PUS1: variants seen among roughly 807,000 people sequenced by gnomAD.
PUS1 encodes pseudouridine synthase 1, also known as pseudouridylate synthase 1 homolog.
A neutral mutation model predicts 38.5 loss-of-function variants in PUS1; 25 were observed. The ratio of observed to expected loss-of-function variants is 0.65; its 90% confidence interval spans 0.47 to 0.91. The LOEUF (loss-of-function observed/expected upper bound fraction) is 0.91. PUS1 is among the 40% of genes least tolerant of loss of function. The pLI, the probability that PUS1 is intolerant of heterozygous loss-of-function variation, is 0.00. For missense variants in PUS1, 597 were observed against 612.3 expected (o/e 0.97, Z 0.26); for synonymous variants, 282 against 260.4 (o/e 1.08, Z -0.80).
In PUS1 at chr12:131,932,508, C is replaced by T; in HGVS notation, c.441+196C>T. The T allele has an allele frequency of 6.4e-6, 4 of 627,608 alleles. No homozygotes were observed. The Admixed American group carries it at 7.7e-5, about 12-fold the overall frequency. The allele number at this position is 627,608 out of a possible 1,614,324, so 38.9% of individuals were successfully genotyped here. ...TATAGCTGGATCTAGATGCTCCCTG[C>T]CAGTGGGACTCTGTGTTCTCTCTGG... is the stretch of plus-strand genomic sequence containing the variant. On this transcript the variant is annotated intron_variant, in intron 3 of 5. Coordinates refer to ENST00000376649, the MANE Select transcript of PUS1 (RefSeq NM_025215.6).
Position 131,941,571 on chromosome 12 carries a change from A to C in PUS1, c.824A>C (p.Glu275Ala). The change falls in exon 5 of 6, where the codon GAG becomes GCG. Residue 275 changes from glutamate to alanine, a missense_variant. Transcript: ENST00000376649. The surrounding 1 kb of genome is among the most constrained non-coding windows in gnomAD (Gnocchi z 4.4). ...EMYCEEPFVREGLEFAVIRVK... is the reference protein window; with the variant it reads ...EMYCEEPFVRAGLEFAVIRVK... Reference sequence around the variant, plus strand: ...TACTGCGAGGAACCCTTTGTGCGGGAGGGCCTGGAGTTTGCGGTGATCAGG... The same window carrying C: ...TACTGCGAGGAACCCTTTGTGCGGGCGGGCCTGGAGTTTGCGGTGATCAGG... 1 of 1,614,134 alleles carries C rather than the reference A, an allele frequency of 6.2e-7. No homozygotes were observed. Among genetic ancestry groups the C allele is most frequent in the Non-Finnish European group, 8.5e-7 (1 of 1,180,010 alleles).
rs756609446 is a variant in PUS1 at position 131,943,548 on chromosome 12, C to A, written c.1246C>A (p.Pro416Thr). The A allele has an allele frequency of 4.3e-6, 7 of 1,613,252 alleles. No individual in the cohort carries two copies. In the African/African-American group the frequency reaches 9.3e-5, roughly 22 times the overall value. ...AGGTGAKVPSPLEGSEGDGDT... is the reference protein window; with the variant it reads ...AGGTGAKVPSTLEGSEGDGDT... ...TGGTCTTCTTCTGCAGGTGCCCAGT[C>A]CCCTGGAAGGCAGTGAAGGGGACGG... The change falls in exon 6 of 6, where the codon CCC becomes ACC. Residue 416 changes from proline to threonine, a missense_variant. By Grantham distance (38) the Pro-to-Thr change is conservative. Transcript: ENST00000376649.
rs746959773 is a variant in PUS1 at position 131,932,231 on chromosome 12, C to T, written c.360C>T (p.Leu120=). ...KTIEDDLVSA[L]VRSGCIPENH... The stretch of plus-strand genomic sequence containing the variant: ...TTGAAGATGACTTGGTGTCCGCCCT[C>T]GTCCGGTCAGGCTGTATTCCTGAAA... The change falls in exon 3 of 6, where the codon CTC becomes CTT. Residue 120 remains leucine (L), a synonymous_variant. Transcript: ENST00000376649. The T allele has an allele frequency of 3.0e-5, 49 of 1,613,826 alleles. No individual in the cohort carries two copies. Among genetic ancestry groups the T allele is most frequent in the African/African-American group, 5.3e-5 (4 of 74,918 alleles).
intron 3 of PUS1, among the ~76,000 whole-genome samples, chr12:131,938,774 T>C (rs1890940278): frequency 6.7e-6 from 1 of 148,798 alleles, no homozygotes; most frequent in African/African-American, 2.5e-5. Context: ...CAGGCTGGAG[T>C]GCAGTGGCAC....
At position 131,941,364 on chromosome 12, in the gene PUS1, C is replaced by T; in HGVS notation, c.617C>T (p.Pro206Leu). 1 of 1,614,224 alleles carries T rather than the reference C, an allele frequency of 6.2e-7. No individual in the cohort carries two copies. Among genetic ancestry groups the T allele is most frequent in the Non-Finnish European group, 8.5e-7 (1 of 1,180,046 alleles). ...GCCAGGACCTATTGCTACCTGCTGCCCACGTTTGCCTTTGCGCACAAGGAC... is the reference window on the plus strand; with the variant it reads ...GCCAGGACCTATTGCTACCTGCTGCTCACGTTTGCCTTTGCGCACAAGGAC... ...CDARTYCYLL[P>L]TFAFAHKDRD... is the part of the protein sequence containing the mutation. The change falls in exon 5 of 6, where the codon CCC (proline) becomes CTC (leucine). Residue 206 changes from proline to leucine, a missense_variant. Physicochemically the swap from Pro to Leu is moderately conservative, Grantham distance 98 (BLOSUM62 -3). Transcript: ENST00000376649. The surrounding 1 kb of genome is among the most constrained non-coding windows in gnomAD (Gnocchi z 4.4).
At chr12:131,938,761 A>C (rs1593294014) in intron 3 of PUS1, among the ~76,000 whole-genome samples, 11 of 132,886 alleles carry the variant, frequency 8.3e-5, no homozygotes, top group East Asian at 2.2e-4. Context: ...TGGCTCTGTC[A>C]CCCAGGCTGG....
At chr12:131,937,462 C>T (rs1043342770) in intron 3 of PUS1, among the ~76,000 whole-genome samples, 3 of 152,188 alleles carry the variant, frequency 2.0e-5, no homozygotes, top group African/African-American at 7.2e-5. Context: ...GCAACCTCCA[C>T]CTCCCGGGTT....
chr12:131,932,431 A>T (rs544780507), intron 3 of PUS1, 119 bp downstream of exon 3: 37 of 1,228,796 alleles, frequency 3.0e-5, no homozygotes, highest in Middle Eastern at 2.6e-4. Context: ...TACAAATCAA[A>T]CTAGCCTACG....
In PUS1 at chr12:131,943,690, T is replaced by A; in HGVS notation, c.*104T>A. 1 of 977,366 alleles carries A rather than the reference T, an allele frequency of 1.0e-6. No homozygotes were observed. Among genetic ancestry groups the A allele is most frequent in the Non-Finnish European group, 1.6e-6 (1 of 612,790 alleles). The allele number at this position is 977,366 out of a possible 1,614,324, so 60.5% of individuals were successfully genotyped here. A position where few individuals can be genotyped will look rare whatever the true frequency, so the allele number is the denominator to read the frequency against. Reference sequence around the variant, plus strand: ...AGAAGCTGGGATCGCTGCAGCCATGTTTTCCCGGCCATGCCGGCGTTGTAA... The same window carrying A: ...AGAAGCTGGGATCGCTGCAGCCATGATTTCCCGGCCATGCCGGCGTTGTAA... On this transcript the variant is annotated 3_prime_UTR_variant, in exon 6 of 6. Coordinates refer to ENST00000376649, the MANE Select transcript of PUS1 (RefSeq NM_025215.6).
intron 3 of PUS1, chr12:131,934,511 C>A (rs931874433): frequency 6.6e-6 from 1 of 152,168 alleles, no homozygotes; most frequent in African/African-American, 2.4e-5. Flanking sequence ...AATTATAGAA[C>A]AGAGATTATT....
rs1165093502 is a variant in PUS1, at chr12:131,941,140, G to A, written c.545-152G>A. On this transcript the variant is annotated intron_variant, in intron 4 of 5. Transcript: ENST00000376649. The surrounding 1 kb of genome is among the most constrained non-coding windows in gnomAD (Gnocchi z 4.4). Reference sequence around the variant, plus strand: ...TCCTGTGCCTGTTCCCCAGCCTGTGGCTGCCCCCTCCCCAGAGAAGCCGAT... The same window carrying A: ...TCCTGTGCCTGTTCCCCAGCCTGTGACTGCCCCCTCCCCAGAGAAGCCGAT... The A allele has an allele frequency of 4.4e-6, 3 of 676,970 alleles. No individual in the cohort carries two copies. The highest frequency in any genetic ancestry group is 7.9e-6 in the Non-Finnish European group (3 of 380,458). The allele number at this position is 676,970 out of a possible 1,614,324, so 41.9% of individuals were successfully genotyped here.
intron 4 of PUS1, among the ~76,000 whole-genome samples, chr12:131,940,016 G>A (rs77752007): frequency 0.032 from 4,885 of 151,824 alleles, 135 homozygotes; most frequent in Non-Finnish European, 0.053. Context: ...CAGAACTGTT[G>A]TCTGCCTGAC....
chr12:131,929,827 A>G (rs1890502161), intron 1 of PUS1, 31 bp downstream of exon 1: 9 of 1,548,438 alleles, frequency 5.8e-6, no homozygotes, highest in Admixed American at 5.6e-5. Context: ...CGACCCCGCT[A>G]TGCCCGCCCA....
chr12:131,934,715 G>T (rs1159126352), intron 3 of PUS1: 1 of 152,220 alleles, frequency 6.6e-6, no homozygotes, highest in Non-Finnish European at 1.5e-5. Flanking sequence ...GGCAGACGGG[G>T]ACAGCAGAGC....
At chr12:131,932,863 TA>T (rs1339606223) in intron 3 of PUS1, 1 of 449,710 alleles carries the variant, frequency 2.2e-6, no homozygotes, top group Admixed American at 2.5e-5. Context: ...GTCACACTGT[TA>T]TAAAGAACTG....
intron 3 of PUS1, 24 bp downstream of exon 3, chr12:131,932,336 C>T (rs951690913): frequency 3.1e-6 from 5 of 1,612,264 alleles, no homozygotes; most frequent in Non-Finnish European, 4.2e-6. Context: ...TTCTCTGCCC[C>T]TCCCCCGCTG....
chr12:131,939,150 C>A, intron 3 of PUS1, 23 bp from the exon 4 acceptor site: 1 of 1,519,628 alleles, frequency 6.6e-7, no homozygotes, highest in Non-Finnish European at 8.9e-7. Context: ...CACCTTCCGT[C>A]ACCCGTTCTG....
rs768762075 is a variant in PUS1, at chr12:131,930,076, C to T, written c.244C>T (p.Pro82Ser). Residue 82 changes from proline to serine, a missense_variant, in exon 2 of 6, where the codon CCC becomes TCC. By Grantham distance (74) the Pro-to-Ser change is moderately conservative. Coordinates refer to ENST00000376649, the MANE Select transcript of PUS1 (RefSeq NM_025215.6). ...GGDEERREKPPKRKIVLLMAY... is the reference protein window; with the variant it reads ...GGDEERREKPSKRKIVLLMAY... The stretch of plus-strand genomic sequence containing the variant: ...CGACGAGGAGCGGCGCGAGAAGCCG[C>T]CCAAGCGGAAGATCGTGCTGCTCAT... The T allele has an allele frequency of 3.5e-6, 5 of 1,437,514 alleles. No individual in the cohort carries two copies. The East Asian group carries it at 1.4e-4, about 39-fold the overall frequency. The allele number at this position is 1,437,514 out of a possible 1,614,324, so 89.0% of individuals were successfully genotyped here. A position where few individuals can be genotyped will look rare whatever the true frequency, so the allele number is the denominator to read the frequency against.
At position 131,941,235 on chromosome 12, in the gene PUS1, C is replaced by G; in HGVS notation, c.545-57C>G. 2 of 1,491,406 alleles carry G rather than the reference C, an allele frequency of 1.3e-6. No individual in the cohort carries two copies. Among genetic ancestry groups the G allele is most frequent in the Admixed American group, 3.4e-5 (2 of 58,684 alleles). 92.4% of individuals were successfully genotyped at this position (1,491,406 alleles called of 1,614,324 possible). A position where few individuals can be genotyped will look rare whatever the true frequency, so the allele number is the denominator to read the frequency against. ...GCTCACGCCGTGCTCAGGCTGCTCC[C>G]TGGTCATCCAGGCACTTCTCACCTG... On this transcript the variant is annotated intron_variant, in intron 4 of 5. Transcript: ENST00000376649. The surrounding 1 kb of genome is among the most constrained non-coding windows in gnomAD (Gnocchi z 4.4).
Sources: allele counts gnomAD v4.1 joint callset (sites outside exome capture counted in the v4.1 genomes callset), GRCh38; gene constraint gnomAD v4.1.1; non-coding constraint Gnocchi (gnomAD v3.1); transcripts MANE v1.5; gene names NCBI Gene and HGNC (gene_info 2026-07-23, HGNC 2026-07-21).